ROPN1: variants seen among roughly 807,000 people sequenced by gnomAD.
ROPN1 encodes the protein ropporin-1A.
ROPN1 carries 14 observed loss-of-function variants against 20.5 expected under a neutral mutation model. The ratio of observed to expected loss-of-function variants is 0.68; its 90% confidence interval spans 0.45 to 1.07. The LOEUF (loss-of-function observed/expected upper bound fraction) is 1.07, where lower values mean the gene tolerates loss of function less well. Ranked by LOEUF, ROPN1 falls within the 50% of genes least tolerant of loss-of-function variation. The pLI is 0.00. For synonymous variants in ROPN1, 76 were observed against 95.7 expected (o/e 0.79, Z 1.20); for missense variants, 169 against 242.8 (o/e 0.70, Z 2.02).
intron 4 of ROPN1, among the ~76,000 whole-genome samples, chr3:123,971,124 G>A (rs1447819841): frequency 2.6e-5 from 4 of 152,166 alleles, no homozygotes; most frequent in African/African-American, 7.2e-5. Context: ...TGAAAAAGCA[G>A]CTGCTGTATC....
intron 1 of ROPN1, among the ~76,000 whole-genome samples, chr3:123,985,620 G>A (rs569825049): frequency 6.6e-6 from 1 of 152,038 alleles, no homozygotes; most frequent in Non-Finnish European, 1.5e-5. Context: ...GTAATGACTT[G>A]TTTGTTTACA....
At chr3:123,985,659 AT>A (rs772276619) in intron 1 of ROPN1, among the ~76,000 whole-genome samples, 23 of 148,110 alleles carry the variant, frequency 1.6e-4, no homozygotes, top group Non-Finnish European at 2.6e-4. Flanking sequence ...CTCTAAAAAA[AT>A]AATAGAAAAT....
intron 1 of ROPN1, among the ~76,000 whole-genome samples, chr3:123,981,813 T>G (rs1370967541): frequency 6.6e-6 from 1 of 152,238 alleles, no homozygotes; most frequent in Non-Finnish European, 1.5e-5. Context: ...ATGATTAATT[T>G]TAGACTTTGC....
At chr3:123,974,426 T>C (rs2037977572) in intron 4 of ROPN1, 1 of 152,206 alleles carries the variant, frequency 6.6e-6, no homozygotes, top group Non-Finnish European at 1.5e-5. Context: ...CTTGTTTACT[T>C]CTCTCTAAAG....
chr3:123,988,595 C>T (rs920547964), intron 1 of ROPN1, among the ~76,000 whole-genome samples: 1 of 152,100 alleles, frequency 6.6e-6, no homozygotes, highest in East Asian at 1.9e-4. Flanking sequence ...TGCTATCCTT[C>T]GTAGCTAGTT....
intron 3 of ROPN1, among the ~76,000 whole-genome samples, chr3:123,976,583 C>T (rs1368617831): frequency 6.6e-6 from 1 of 152,218 alleles, no homozygotes; most frequent in Non-Finnish European, 1.5e-5. Flanking sequence ...AGGACTTGCA[C>T]TTTTCTGGAG....
At chr3:123,989,942 C>A (rs940283628) in intron 1 of ROPN1, among the ~76,000 whole-genome samples, 11 of 152,224 alleles carry the variant, frequency 7.2e-5, no homozygotes, top group Non-Finnish European at 2.9e-5. Context: ...TATTTTAGAT[C>A]TCTCCTGACA....
At position 123,986,018 on chromosome 3, in the gene ROPN1, A is replaced by AAAAAAAAAAAAAAAAAAAAAT. The variant is rs201340337; in HGVS notation, c.-12-5526_-12-5525insATTTTTTTTTTTTTTTTTTTT. ...AAAAAAAAAAAAAAAAAAAAAAAAAATCAAAATATTTAAATTATACTTGAA... is the reference window on the plus strand; with the variant it reads ...AAAAAAAAAAAAAAAAAAAAAAAAAAAAAAAAAAAAAAAAAAAAAATTCAAAATATTTAAATTATACTTGAA... On this transcript the variant is annotated intron_variant, in intron 1 of 5. Coordinates refer to ENST00000405845, the MANE Select transcript of ROPN1 (RefSeq NM_001317774.2). Among the ~76,000 whole-genome samples, 22 of 93,986 alleles carry AAAAAAAAAAAAAAAAAAAAAT rather than the reference A, an allele frequency of 2.3e-4. 7 individuals are homozygous for AAAAAAAAAAAAAAAAAAAAAT. In the East Asian group the frequency reaches 2.4e-3, roughly 10 times the overall value. 61.7% of individuals were successfully genotyped at this position (93,986 alleles called of 152,430 possible).
At chr3:123,980,539 A>G in intron 1 of ROPN1, 46 bp from the exon 2 acceptor site, 1 of 1,573,534 alleles carries the variant, frequency 6.4e-7, no homozygotes, top group Non-Finnish European at 8.7e-7. Context: ...ACTTCGATTC[A>G]TACGATGAGA....
In ROPN1 at chr3:123,971,534, G is replaced by A. The variant is rs77946211; in HGVS notation, c.397-1317C>T. Among the ~76,000 whole-genome samples the A allele has an allele frequency of 6.5e-3, 995 of 152,250 alleles. 13 individuals carry two copies. Among genetic ancestry groups the A allele is most frequent in the East Asian group, 0.044 (230 of 5,178 alleles). ...CCCTGGGGGTCCTCTCATGGAAATT[G>A]TTGTGAAACACTGCATCTTCTACTC... On this transcript the variant is annotated intron_variant, in intron 4 of 5. Coordinates refer to ENST00000405845, the MANE Select transcript of ROPN1 (RefSeq NM_001317774.2).
chr3:123,987,442 G>A (rs1314382833), intron 1 of ROPN1, among the ~76,000 whole-genome samples: 1 of 152,178 alleles, frequency 6.6e-6, no homozygotes, highest in Non-Finnish European at 1.5e-5. Context: ...GTTCCTCTGT[G>A]GGAGCTGTTC....
intron 1 of ROPN1, among the ~76,000 whole-genome samples, chr3:123,986,460 T>C (rs899555833): frequency 1.6e-4 from 24 of 151,810 alleles, no homozygotes; most frequent in African/African-American, 4.8e-4. Flanking sequence ...GAGGTGGTGT[T>C]GAATGGGGGT....
chr3:123,976,299 C>T (rs1404616652), intron 3 of ROPN1, among the ~76,000 whole-genome samples: 1 of 152,180 alleles, frequency 6.6e-6, no homozygotes, highest in Non-Finnish European at 1.5e-5. Context: ...ACCGCTCTGT[C>T]CTGGACCATA....
Position 123,970,104 on chromosome 3 carries a change from T to A in ROPN1, c.510A>T (p.Lys170Asn), listed in dbSNP as rs1313047544. 1 of 1,614,068 alleles carries A rather than the reference T, an allele frequency of 6.2e-7. No homozygotes were observed. The highest frequency in any genetic ancestry group is 1.3e-5 in the African/African-American group (1 of 74,928). Residue 170 changes from lysine (K) to asparagine (N), a missense_variant, in exon 5 of 6, where the codon AAA (lysine) becomes AAT (asparagine). Coordinates refer to ENST00000405845, the MANE Select transcript of ROPN1 (RefSeq NM_001317774.2). Reference sequence around the variant, plus strand: ...GTGATGCAGAGATCTCCCCATCCACTTTGGCAATATACGTGTAGAGAAACT... The same window carrying A: ...GTGATGCAGAGATCTCCCCATCCACATTGGCAATATACGTGTAGAGAAACT... Reference protein sequence around the residue: ...TFQFLYTYIAKVDGEISASHV... With the variant: ...TFQFLYTYIANVDGEISASHV...
chr3:123,983,697 A>G (rs1022736007), intron 1 of ROPN1, among the ~76,000 whole-genome samples: 1 of 151,564 alleles, frequency 6.6e-6, no homozygotes, highest in African/African-American at 2.4e-5. Context: ...TTCTCTTCTC[A>G]TCATTCTATT....
At chr3:123,971,902 G>T (rs1419404415) in intron 4 of ROPN1, among the ~76,000 whole-genome samples, 1 of 152,106 alleles carries the variant, frequency 6.6e-6, no homozygotes, top group Admixed American at 6.5e-5. Context: ...TTGAACATAC[G>T]ACCGTTAAAA....
chr3:123,980,820 G>A lies in ROPN1; in HGVS notation c.-12-327C>T, dbSNP rs1285310338. On this transcript the variant is annotated intron_variant, in intron 1 of 5. Coordinates refer to ENST00000405845, the MANE Select transcript of ROPN1 (RefSeq NM_001317774.2). ...ATCCAGAATTTTTCAGTATATATAT[G>A]TTTGTAAAATAAAAAAATAAGATTA... 13 of 218,534 alleles carry A rather than the reference G, an allele frequency of 5.9e-5. No individual in the cohort carries two copies. In the East Asian group the frequency reaches 1.3e-3, roughly 22 times the overall value. 13.5% of individuals were successfully genotyped at this position (218,534 alleles called of 1,614,324 possible).
intron 1 of ROPN1, among the ~76,000 whole-genome samples, chr3:123,983,356 A>G (rs865849766): frequency 5.3e-5 from 8 of 151,420 alleles, no homozygotes; most frequent in African/African-American, 1.7e-4. Context: ...TGTTTTCCAC[A>G]GCGGCTGCAC....
At chr3:123,989,682 A>G (rs562302267) in intron 1 of ROPN1, among the ~76,000 whole-genome samples, 2 of 152,218 alleles carry the variant, frequency 1.3e-5, no homozygotes, top group Non-Finnish European at 2.9e-5. Context: ...TCAGTGCTCC[A>G]TGGCTAGCAG....
Sources: gnomAD v4.1 joint callset for allele counts (sites outside exome capture counted in the v4.1 genomes callset) on GRCh38, gnomAD v4.1.1 for gene constraint, MANE v1.5 for transcripts, NCBI Gene and HGNC (gene_info 2026-07-23, HGNC 2026-07-21) for gene names.